DCAF7: variants seen among roughly 807,000 people sequenced by gnomAD.
DCAF7 encodes the protein DDB1- and CUL4-associated factor 7.
DCAF7 carries 4 observed loss-of-function variants against 41.2 expected under a neutral mutation model. The ratio of observed to expected loss-of-function variants is 0.10; its 90% confidence interval spans 0.05 to 0.22. The LOEUF is 0.22. Among genes scored for constraint, DCAF7 ranks in the 10% least tolerant of loss-of-function variants. DCAF7 has a pLI of 1.00. For synonymous variants in DCAF7, 143 were observed against 164.2 expected, an observed-to-expected ratio of 0.87 and a Z score of 0.99; for missense variants, 131 against 443.2, an observed-to-expected ratio of 0.30 and a Z score of 6.32.
chr17:63,568,379 G>A (rs184514758), intron 1 of DCAF7, among the ~76,000 whole-genome samples: 1 of 152,176 alleles, frequency 6.6e-6, no homozygotes, highest in East Asian at 1.9e-4. Context: ...CATTTTATTC[G>A]GGGTACTATA....
At chr17:63,574,782 G>A (rs747834454) in intron 1 of DCAF7, among the ~76,000 whole-genome samples, 2 of 152,076 alleles carry the variant, frequency 1.3e-5, no homozygotes, top group East Asian at 3.9e-4. Flanking sequence ...AGACCAGCCT[G>A]GGCAACATGG....
intron 1 of DCAF7, among the ~76,000 whole-genome samples, chr17:63,554,468 G>A (rs1013652126): frequency 2.6e-5 from 4 of 152,254 alleles, no homozygotes; most frequent in Admixed American, 2.0e-4. Context: ...GGCCAGAGGC[G>A]AGAATGTGAT....
chr17:63,567,668 T>C (rs963033497), intron 1 of DCAF7, among the ~76,000 whole-genome samples: 8 of 152,176 alleles, frequency 5.3e-5, no homozygotes, highest in African/African-American at 1.9e-4. Context: ...CCTTCTTTTT[T>C]TTCCCCCCTA....
chr17:63,566,284 T>C (rs1966380700), intron 1 of DCAF7, among the ~76,000 whole-genome samples: 1 of 151,352 alleles, frequency 6.6e-6, no homozygotes, highest in Non-Finnish European at 1.5e-5. Flanking sequence ...GGCAGGAGAA[T>C]GGCGTGAACC....
At chr17:63,579,079 G>A (rs2033592401) in intron 2 of DCAF7, among the ~76,000 whole-genome samples, 1 of 152,188 alleles carries the variant, frequency 6.6e-6, no homozygotes, top group African/African-American at 2.4e-5. Context: ...CTGTGCAGAG[G>A]TTCCAGGCTG....
chr17:63,550,478 T>C lies in DCAF7; in HGVS notation c.-200T>C. On this transcript the variant is annotated 5_prime_UTR_variant, in exon 1 of 7. Transcript: ENST00000614556. This position sits in a 1 kb window ranked among gnomAD's most constrained non-coding sequence, Gnocchi z 4.8. ...GGCGTCCCAAAACGGAAGGTGGTTG[T>C]CGTCCGTTCCCAAGCTGGTTTGAAA... 3.6e-6 allele frequency: 3 copies of C among 830,776 alleles called. No homozygotes were observed. The highest frequency in any genetic ancestry group is 3.5e-6 in the Non-Finnish European group (2 of 570,594). The allele number at this position is 830,776 out of a possible 1,614,324, so 51.5% of individuals were successfully genotyped here. A position where few individuals can be genotyped will look rare whatever the true frequency, so the allele number is the denominator to read the frequency against.
chr17:63,580,676 C>A (rs371587077), intron 4 of DCAF7, among the ~76,000 whole-genome samples: 7 of 151,956 alleles, frequency 4.6e-5, no homozygotes, highest in Non-Finnish European at 7.4e-5. Flanking sequence ...CCGCAACCAC[C>A]CCTGGCTAAT....
intron 1 of DCAF7, among the ~76,000 whole-genome samples, chr17:63,565,492 G>T (rs1001506545): frequency 6.6e-6 from 1 of 152,024 alleles, no homozygotes; most frequent in Non-Finnish European, 1.5e-5. Context: ...CTTGAACCCG[G>T]GAGGTAGAAG....
intron 1 of DCAF7, among the ~76,000 whole-genome samples, chr17:63,569,073 C>A (rs1236986788): frequency 6.6e-6 from 1 of 152,176 alleles, no homozygotes; most frequent in Non-Finnish European, 1.5e-5. Context: ...TTAATAGATA[C>A]CAAAGCCTGT....
intron 1 of DCAF7, among the ~76,000 whole-genome samples, chr17:63,562,645 G>A (rs1371672376): frequency 6.7e-6 from 1 of 149,122 alleles, no homozygotes; most frequent in South Asian, 2.1e-4. Flanking sequence ...CCACTAACTC[G>A]TCATCTAGCA....
chr17:63,568,391 G>A (rs2033468143), intron 1 of DCAF7, among the ~76,000 whole-genome samples: 1 of 152,168 alleles, frequency 6.6e-6, no homozygotes, highest in Admixed American at 6.6e-5. Flanking sequence ...GGTACTATAT[G>A]TAGAAAGTTC....
At chr17:63,568,842 C>G (rs1423270105) in intron 1 of DCAF7, among the ~76,000 whole-genome samples, 2 of 152,190 alleles carry the variant, frequency 1.3e-5, no homozygotes, top group African/African-American at 4.8e-5. Context: ...GTCATTCTCA[C>G]TCGCTATGTA....
At chr17:63,580,052 A>G in intron 4 of DCAF7, 109 bp downstream of exon 4, 1 of 781,822 alleles carries the variant, frequency 1.3e-6, no homozygotes, top group African/African-American at 1.8e-5. Context: ...GAAAATCATA[A>G]CATAACATCT....
chr17:63,588,186 TG>T (rs1239403845), intron 6 of DCAF7, among the ~76,000 whole-genome samples: 1 of 141,466 alleles, frequency 7.1e-6, no homozygotes, highest in African/African-American at 2.9e-5. Flanking sequence ...GCTATTTTCT[TG>T]GATTTTTTTT....
chr17:63,575,177 T>A (rs981671459), intron 1 of DCAF7, among the ~76,000 whole-genome samples: 2 of 151,188 alleles, frequency 1.3e-5, no homozygotes, highest in African/African-American at 4.9e-5. Context: ...AAATAAAAAT[T>A]AAAATTAGCC....
intron 1 of DCAF7, among the ~76,000 whole-genome samples, chr17:63,556,591 G>A (rs889687468): frequency 8.9e-5 from 13 of 145,584 alleles, no homozygotes; most frequent in East Asian, 8.3e-4. Flanking sequence ...AATCAGGGCC[G>A]GGCGCAGTGG....
intron 6 of DCAF7, among the ~76,000 whole-genome samples, chr17:63,586,476 A>G (rs971326752): frequency 1.3e-5 from 2 of 151,978 alleles, no homozygotes; most frequent in African/African-American, 4.8e-5. Context: ...TTAAAAAAAG[A>G]AAAGAAAGGC....
intron 1 of DCAF7, 140 bp from the exon 2 acceptor site, chr17:63,578,330 C>T: frequency 8.2e-7 from 1 of 1,218,928 alleles, no homozygotes; most frequent in Non-Finnish European, 1.1e-6. Context: ...CACCACTGCA[C>T]TCCAGCCTGG....
chr17:63,574,948 G>A (rs185337990), intron 1 of DCAF7, among the ~76,000 whole-genome samples: 18 of 151,788 alleles, frequency 1.2e-4, no homozygotes, highest in African/African-American at 4.4e-4. Flanking sequence ...ACTCCACCCT[G>A]GGTGACAAGC....
Sources: gnomAD v4.1 joint callset for allele counts (sites outside exome capture counted in the v4.1 genomes callset) on GRCh38, gnomAD v4.1.1 for gene constraint, Gnocchi (gnomAD v3.1) non-coding constraint, MANE v1.5 for transcripts, NCBI Gene and HGNC (gene_info 2026-07-23, HGNC 2026-07-21) for gene names.